DYM: variants seen among roughly 807,000 people sequenced by gnomAD.
DYM encodes dymeclin.
DYM carries 78 observed loss-of-function variants against 93.1 expected under a neutral mutation model. The observed-to-expected ratio is 0.84, with a 90% CI of 0.70 to 1.01. The LOEUF (loss-of-function observed/expected upper bound fraction) is 1.01, where lower values mean the gene tolerates loss of function less well. Among genes scored for constraint, DYM ranks in the 50% least tolerant of loss-of-function variants. The pLI is 0.00. For missense variants in DYM, 789 were observed against 845.0 expected, an observed-to-expected ratio of 0.93 and a Z score of 0.82; for synonymous variants, 321 against 319.7, an observed-to-expected ratio of 1.00 and a Z score of -0.04.
chr18:49,318,151 T>C (rs908703080), intron 8 of DYM, among the ~76,000 whole-genome samples: 6 of 152,204 alleles, frequency 3.9e-5, no homozygotes, highest in Admixed American at 2.0e-4. Flanking sequence ...GGAGCCACCA[T>C]TGCTTACAGC....
Position 49,041,253 on chromosome 18 carries a change from G to C in DYM, c.*2802C>G, listed in dbSNP as rs2070905422. 6.6e-6 allele frequency among the ~76,000 whole-genome samples: 1 copy of C among 152,202 alleles called. No homozygotes were observed. Among genetic ancestry groups the C allele is most frequent in the East Asian group, 1.9e-4 (1 of 5,198 alleles). ...CAAAGTGCCTTGAACTCTTGATAGG[G>C]AAGATGCTATTGAAAGGGACAAATT... On this transcript the variant is annotated 3_prime_UTR_variant, in exon 18 of 18. Transcript: ENST00000675505.
intron 2 of DYM, chr18:49,413,032 T>A (rs909106695): frequency 6.6e-6 from 1 of 152,172 alleles, no homozygotes; most frequent in Non-Finnish European, 1.5e-5. Flanking sequence ...ATCTGCAGCT[T>A]TGAAAAATGC....
At chr18:49,354,352 AATT>A (rs1328013102) in intron 6 of DYM, among the ~76,000 whole-genome samples, 1 of 152,100 alleles carries the variant, frequency 6.6e-6, no homozygotes, top group Non-Finnish European at 1.5e-5. Context: ...CCATGAAAGA[AATT>A]ATTGATAGGA....
At chr18:49,367,239 C>T (rs2066606793) in intron 5 of DYM, among the ~76,000 whole-genome samples, 1 of 152,180 alleles carries the variant, frequency 6.6e-6, no homozygotes, top group South Asian at 2.1e-4. Flanking sequence ...AAGCTATTAT[C>T]ATCCGTATTG....
intron 8 of DYM, among the ~76,000 whole-genome samples, chr18:49,331,191 C>T (rs1015832324): frequency 1.3e-5 from 2 of 152,170 alleles, no homozygotes; most frequent in Non-Finnish European, 2.9e-5. Context: ...CTCACAAGTA[C>T]CAAAGTGTCG....
chr18:49,043,979 A>T lies in DYM; in HGVS notation c.*76T>A. On this transcript the variant is annotated 3_prime_UTR_variant, in exon 18 of 18. Transcript: ENST00000675505. ...GATACACCAAGTAACCTGTCTGTCT[A>T]CTTCTGTTACCCAGAAATAAAAGAA... is the stretch of plus-strand genomic sequence containing the variant. 1 of 1,552,196 alleles carries T rather than the reference A, an allele frequency of 6.4e-7. No individual in the cohort carries two copies. Among genetic ancestry groups the T allele is most frequent in the Non-Finnish European group, 8.9e-7 (1 of 1,129,752 alleles).
At chr18:49,369,016 G>A (rs968001387) in intron 5 of DYM, among the ~76,000 whole-genome samples, 5 of 152,258 alleles carry the variant, frequency 3.3e-5, no homozygotes, top group South Asian at 2.1e-4. Context: ...GACTGAAAGC[G>A]CGGTGTGCAC....
chr18:49,073,831 CT>C (rs371832578), intron 17 of DYM, among the ~76,000 whole-genome samples: 1 of 152,140 alleles, frequency 6.6e-6, no homozygotes, highest in Non-Finnish European at 1.5e-5. Flanking sequence ...AAGACACATT[CT>C]TTTTTTGACT....
intron 11 of DYM, among the ~76,000 whole-genome samples, chr18:49,263,601 G>A (rs941394948): frequency 6.6e-6 from 1 of 151,720 alleles, no homozygotes; most frequent in East Asian, 2.0e-4. Flanking sequence ...TTGGTGGCAG[G>A]CACTTGTAAT....
intron 16 of DYM, among the ~76,000 whole-genome samples, chr18:49,112,043 T>A (rs943381648): frequency 6.6e-6 from 1 of 151,916 alleles, no homozygotes; most frequent in Non-Finnish European, 1.5e-5. Context: ...TTGTTTTATC[T>A]TTTACGTGCA....
chr18:49,136,386 T>G (rs2083853636), intron 15 of DYM, among the ~76,000 whole-genome samples: 1 of 152,202 alleles, frequency 6.6e-6, no homozygotes, highest in Non-Finnish European at 1.5e-5. Context: ...GATTACATGG[T>G]TTTAAAACAC....
At chr18:49,214,814 T>C (rs181476895) in intron 13 of DYM, among the ~76,000 whole-genome samples, 1 of 152,180 alleles carries the variant, frequency 6.6e-6, no homozygotes, top group Non-Finnish European at 1.5e-5. Context: ...CTAATAAACT[T>C]GTAATGGGGC....
At chr18:49,301,336 T>C (rs754620340) in intron 8 of DYM, among the ~76,000 whole-genome samples, 19 of 151,888 alleles carry the variant, frequency 1.3e-4, no homozygotes, top group Non-Finnish European at 2.6e-4. Context: ...CTGGCCAACA[T>C]GGTGAAACCC....
chr18:49,430,951 T>C (rs985749955), intron 1 of DYM, among the ~76,000 whole-genome samples: 1 of 151,684 alleles, frequency 6.6e-6, no homozygotes, highest in Admixed American at 6.6e-5. Flanking sequence ...AAAATCCGAA[T>C]CTATATTGTA....
intron 5 of DYM, among the ~76,000 whole-genome samples, chr18:49,374,530 G>T (rs998561695): frequency 1.3e-5 from 2 of 152,186 alleles, no homozygotes; most frequent in Non-Finnish European, 2.9e-5. Flanking sequence ...GAGTCAAAGG[G>T]ACTTTTATTA....
intron 8 of DYM, among the ~76,000 whole-genome samples, chr18:49,315,438 T>C (rs771481551): frequency 8.5e-5 from 13 of 152,232 alleles, no homozygotes; most frequent in Non-Finnish European, 1.6e-4. Flanking sequence ...TTGAGTTTTA[T>C]GTACTATGAA....
intron 8 of DYM, among the ~76,000 whole-genome samples, chr18:49,329,950 T>G (rs1209569784): frequency 1.3e-5 from 2 of 152,224 alleles, no homozygotes; most frequent in African/African-American, 4.8e-5. Flanking sequence ...TCATCAGAAG[T>G]GATCACACAA....
chr18:49,348,940 G>A (rs1372114677), intron 6 of DYM, among the ~76,000 whole-genome samples: 1 of 149,900 alleles, frequency 6.7e-6, no homozygotes, highest in African/African-American at 2.4e-5. Context: ...AGATGCAGTG[G>A]CTCACGCCTA....
chr18:49,272,201 A>C lies in DYM; in HGVS notation c.1228T>G (p.Phe410Val). The change falls in exon 11 of 18, where the codon TTC (phenylalanine) becomes GTC (valine). Residue 410 changes from phenylalanine (F) to valine (V), a missense_variant. Transcript: ENST00000675505. ...ILLILTEDDGFNRSIHEVILK... is the reference protein window; with the variant it reads ...ILLILTEDDGVNRSIHEVILK... ...ACCACTTCATGAATGGATCTGTTGA[A>C]GCCATCATCTTCCGTAAGGATCAAC... The C allele has an allele frequency of 6.2e-7, 1 of 1,612,330 alleles. No individual in the cohort carries two copies. The highest frequency in any genetic ancestry group is 8.5e-7 in the Non-Finnish European group (1 of 1,178,680).
Sources: gnomAD v4.1 joint callset for allele counts (sites outside exome capture counted in the v4.1 genomes callset) on GRCh38, gnomAD v4.1.1 for gene constraint, MANE v1.5 for transcripts, NCBI Gene and HGNC (gene_info 2026-07-23, HGNC 2026-07-21) for gene names.